HNRNPA1L2: variants seen among roughly 807,000 people sequenced by gnomAD.
The protein encoded by HNRNPA1L2 is heterogeneous nuclear ribonucleoprotein A1-like 2.
HNRNPA1L2 carries 10 observed loss-of-function variants against 18.2 expected under a neutral mutation model. The observed-to-expected ratio is 0.55, with a 90% confidence interval of 0.34 to 0.93. The LOEUF (loss-of-function observed/expected upper bound fraction) is 0.93, where lower values mean the gene tolerates loss of function less well. Ranked by LOEUF, HNRNPA1L2 falls within the 40% of genes least tolerant of loss-of-function variation. The pLI, the probability that HNRNPA1L2 is intolerant of heterozygous loss-of-function variation, is 0.02. For missense variants in HNRNPA1L2, 308 were observed against 394.4 expected (o/e 0.78, Z 1.85); for synonymous variants, 124 against 138.6 (o/e 0.89, Z 0.74).
chr13:52,630,833 A>C, the HNRNPA1L2 span, among the ~76,000 whole-genome samples: 1 of 152,182 alleles, frequency 6.6e-6, no homozygotes, highest in Non-Finnish European at 1.5e-5. Context: ...TAAAGTAGAA[A>C]GTGTTCTTGG....
chr13:52,619,560 G>A, the HNRNPA1L2 span, among the ~76,000 whole-genome samples: 1 of 152,042 alleles, frequency 6.6e-6, no homozygotes, highest in African/African-American at 2.4e-5. Context: ...TAATCCATCC[G>A]CCTCGGCCTC....
chr13:52,642,576 G>A lies in HNRNPA1L2; in HGVS notation c.84G>A (p.Glu28=), dbSNP rs769660844. The A allele has an allele frequency of 4.3e-6, 7 of 1,611,954 alleles. No individual in the cohort carries two copies. In the South Asian group the frequency reaches 7.7e-5, roughly 18 times the overall value. ...GGTTGAGCTTTGAAACAACTGATGAGAGCCTGAGGAGCCATTTTGAGCAAT... is the reference window on the plus strand; with the variant it reads ...GGTTGAGCTTTGAAACAACTGATGAAAGCCTGAGGAGCCATTTTGAGCAAT... ...IGGLSFETTD[E]SLRSHFEQWG... Residue 28 remains glutamate, a synonymous_variant, in exon 1 of 1, where the codon GAG becomes GAA. Coordinates refer to ENST00000357495, the MANE Select transcript of HNRNPA1L2 (RefSeq NM_001389320.1).
the HNRNPA1L2 span, among the ~76,000 whole-genome samples, chr13:52,621,139 A>C: frequency 1.3e-5 from 2 of 152,242 alleles, no homozygotes; most frequent in South Asian, 4.1e-4. Context: ...TTTTAACTCC[A>C]CAGAATAAAA....
At chr13:52,640,162 A>T, upstream of HNRNPA1L2, among the ~76,000 whole-genome samples, 2 of 152,128 alleles carry the variant, frequency 1.3e-5, 1 homozygote, top group East Asian at 3.9e-4. Context: ...TCTGGTCTCC[A>T]ACTCCTGGGC....
chr13:52,620,307 A>T, the HNRNPA1L2 span, among the ~76,000 whole-genome samples: 55 of 152,322 alleles, frequency 3.6e-4, no homozygotes, highest in Non-Finnish European at 6.3e-4. Context: ...TAAGAATCTT[A>T]GGAATCTGTG....
the HNRNPA1L2 span, among the ~76,000 whole-genome samples, chr13:52,621,828 G>C: frequency 1.3e-5 from 2 of 152,258 alleles, no homozygotes; most frequent in East Asian, 3.9e-4. Flanking sequence ...GAGGCATATA[G>C]TATGTGCTAA....
At chr13:52,633,443 T>C in the HNRNPA1L2 span, among the ~76,000 whole-genome samples, 1 of 152,200 alleles carries the variant, frequency 6.6e-6, no homozygotes, top group Non-Finnish European at 1.5e-5. Context: ...GCATTAAATT[T>C]GGTTTACTAG....
chr13:52,628,575 A>T, the HNRNPA1L2 span, among the ~76,000 whole-genome samples: 1 of 152,224 alleles, frequency 6.6e-6, no homozygotes, highest in South Asian at 2.1e-4. Flanking sequence ...TAATTTAGTT[A>T]TTGAATATAG....
the HNRNPA1L2 span, among the ~76,000 whole-genome samples, chr13:52,620,333 C>T: frequency 6.6e-5 from 10 of 152,290 alleles, no homozygotes; most frequent in Middle Eastern, 3.4e-3. Flanking sequence ...AGTCAGCTGC[C>T]TATGTGATTT....
chr13:52,630,812 A>G, the HNRNPA1L2 span, among the ~76,000 whole-genome samples: 22 of 152,194 alleles, frequency 1.4e-4, no homozygotes, highest in Non-Finnish European at 2.4e-4. Context: ...TATCTGTTAC[A>G]TATTATTGAA....
rs746110304 is a variant in HNRNPA1L2, at chr13:52,642,746, A to C, written c.254A>C (p.Glu85Ala). 1.3e-6 allele frequency: 2 copies of C among 1,599,656 alleles called. No individual in the cohort carries two copies. The change falls in exon 1 of 1, where the codon GAA (glutamate) becomes GCA (alanine). Residue 85 changes from glutamate to alanine, a missense_variant. By Grantham distance (107) the Glu-to-Ala change is moderately radical. Transcript: ENST00000357495. ...TPHKVDGRVVEPKRAVSREDS... is the reference protein window; with the variant it reads ...TPHKVDGRVVAPKRAVSREDS... ...CACAAGGTGGATGGAAGAGTTGTGG[A>C]ACCAAAGAGAGCTGTCTCCAGAGAA...
chr13:52,624,924 G>A, the HNRNPA1L2 span, among the ~76,000 whole-genome samples: 1 of 151,956 alleles, frequency 6.6e-6, no homozygotes, highest in East Asian at 1.9e-4. Flanking sequence ...GCAGTTACTC[G>A]GGAGGCTGAG....
At chr13:52,628,421 C>T in the HNRNPA1L2 span, among the ~76,000 whole-genome samples, 7 of 151,512 alleles carry the variant, frequency 4.6e-5, no homozygotes, top group South Asian at 2.1e-4. Context: ...CCAGTCTGGG[C>T]GACAGCGAGA....
chr13:52,625,461 G>A, the HNRNPA1L2 span, among the ~76,000 whole-genome samples: 1 of 152,162 alleles, frequency 6.6e-6, no homozygotes, highest in Non-Finnish European at 1.5e-5. Context: ...AATCTATGAA[G>A]AAAGATCCTT....
the HNRNPA1L2 span, among the ~76,000 whole-genome samples, chr13:52,634,151 C>G: frequency 6.6e-6 from 1 of 152,146 alleles, no homozygotes; most frequent in Non-Finnish European, 1.5e-5. Context: ...ATTACAAAAA[C>G]TGCATTCTGT....
the HNRNPA1L2 span, among the ~76,000 whole-genome samples, chr13:52,618,533 ACAT>A: frequency 6.6e-6 from 1 of 152,190 alleles, no homozygotes; most frequent in African/African-American, 2.4e-5. Flanking sequence ...AGGGGATGTG[ACAT>A]CATGGGATAA....
At chr13:52,620,585 C>CAAAG in the HNRNPA1L2 span, among the ~76,000 whole-genome samples, 16 of 152,076 alleles carry the variant, frequency 1.1e-4, no homozygotes, top group Non-Finnish European at 1.5e-4. Context: ...TTGGTGGGAC[C>CAAAG]AAAGAATCTG....
At chr13:52,620,000 G>A in the HNRNPA1L2 span, among the ~76,000 whole-genome samples, 1 of 150,334 alleles carries the variant, frequency 6.7e-6, no homozygotes, top group African/African-American at 2.4e-5. Context: ...AGAGTCCTGT[G>A]TACTTATTAT....
chr13:52,617,702 T>C, the HNRNPA1L2 span: 5 of 439,712 alleles, frequency 1.1e-5, no homozygotes, highest in Admixed American at 4.0e-5. Context: ...TTCAGCACTT[T>C]TGGCTCCGCA....
Sources: allele counts gnomAD v4.1 joint callset (sites outside exome capture counted in the v4.1 genomes callset), GRCh38; gene constraint gnomAD v4.1.1; transcripts MANE v1.5; gene names NCBI Gene and HGNC (gene_info 2026-07-23, HGNC 2026-07-21).